Variants in KCNF1 observed in about 807,000 individuals in gnomAD.
KCNF1 encodes voltage-gated potassium channel regulatory subunit KCNF1.
A neutral mutation model predicts 28.6 loss-of-function variants in KCNF1; 9 were observed. The observed-to-expected ratio is 0.31, with a 90% CI of 0.19 to 0.55. The LOEUF (loss-of-function observed/expected upper bound fraction) is 0.55, where lower values mean the gene tolerates loss of function less well. KCNF1 is among the 20% of genes least tolerant of loss of function. The pLI is 0.93. For synonymous variants in KCNF1, 328 were observed against 299.6 expected, an observed-to-expected ratio of 1.09 and a Z score of -0.98; for missense variants, 461 against 684.2, an observed-to-expected ratio of 0.67 and a Z score of 3.64.
rs1350915960 is a variant in KCNF1, at chr2:10,912,613, A to G, written c.187A>G (p.Ile63Val). The stretch of plus-strand genomic sequence containing the variant: ...CTGCTTGGCTGGGGGCTACGACACC[A>G]TCTTCTCCCTGTGCGACGACTACGA... The part of the protein sequence containing the change: ...INCLAGGYDT[I>V]FSLCDDYDPG... The change falls in exon 1 of 1, where the codon ATC (isoleucine) becomes GTC (valine). Residue 63 changes from isoleucine (I) to valine (V), a missense_variant. Transcript: ENST00000295082. This position sits in a 1 kb window ranked among gnomAD's most constrained non-coding sequence, Gnocchi z 7.9. The G allele has an allele frequency of 2.5e-6, 4 of 1,613,492 alleles. No homozygotes were observed. Among genetic ancestry groups the G allele is most frequent in the Non-Finnish European group, 3.4e-6 (4 of 1,179,796 alleles).
At position 10,913,995 on chromosome 2, in the gene KCNF1, G is replaced by A; in HGVS notation, c.*84G>A. On this transcript the variant is annotated 3_prime_UTR_variant, in exon 1 of 1. Transcript: ENST00000295082. This position sits in a 1 kb window ranked among gnomAD's most constrained non-coding sequence, Gnocchi z 5.5. ...GGCATGTCATCGACAGCACAGAAGG[G>A]CTGTCCTGTGTCCCCCCAACCCTCC... 2.1e-6 allele frequency: 3 copies of A among 1,437,228 alleles called. No individual in the cohort carries two copies. The highest frequency in any genetic ancestry group is 2.8e-6 in the Non-Finnish European group (3 of 1,075,024). 89.0% of individuals were successfully genotyped at this position (1,437,228 alleles called of 1,614,324 possible).
rs1436765460 is a variant in KCNF1 at position 10,912,121 on chromosome 2, C to G, written c.-306C>G. The G allele has an allele frequency of 6.6e-6, 1 of 151,040 alleles. No individual in the cohort carries two copies. Among genetic ancestry groups the G allele is most frequent in the Non-Finnish European group, 1.5e-5 (1 of 67,698 alleles). 9.4% of individuals were successfully genotyped at this position (151,040 alleles called of 1,614,324 possible). A position where few individuals can be genotyped will look rare whatever the true frequency, so the allele number is the denominator to read the frequency against. The stretch of plus-strand genomic sequence containing the variant: ...GCTCCCGCAGGAGGCCGAGCTGAAG[C>G]GGCGGAGCGCGCCGCCAGCCAGCCG... On this transcript the variant is annotated 5_prime_UTR_variant, in exon 1 of 1. Coordinates refer to ENST00000295082, the MANE Select transcript of KCNF1 (RefSeq NM_002236.5). This position sits in a 1 kb window ranked among gnomAD's most constrained non-coding sequence, Gnocchi z 7.9.
rs141118481 is a variant in KCNF1, at chr2:10,912,987, C to T, written c.561C>T (p.Leu187=). The T allele has an allele frequency of 1.9e-6, 3 of 1,602,742 alleles. No homozygotes were observed. The highest frequency in any genetic ancestry group is 3.3e-5 in the Admixed American group (2 of 59,978). The change falls in exon 1 of 1, where the codon CTC becomes CTT. Residue 187 remains leucine (L), a synonymous_variant. Transcript: ENST00000295082. This position sits in a 1 kb window ranked among gnomAD's most constrained non-coding sequence, Gnocchi z 7.9. ...SSCPARVVAV[L]SFLLILVSSV... is the part of the protein sequence containing the mutation. ...GCCCGGCGCGGGTGGTGGCCGTGCT[C>T]TCCTTCCTGCTCATCCTCGTCTCGT...
In KCNF1 at chr2:10,914,053, T is replaced by C. The variant is rs1370725390; in HGVS notation, c.*142T>C. ...AGACTCTGAAGGCCCTCCCGGCACC[T>C]CTGCCAAGGCTGGGTAAGACTCCTC... On this transcript the variant is annotated 3_prime_UTR_variant, in exon 1 of 1. Coordinates refer to ENST00000295082, the MANE Select transcript of KCNF1 (RefSeq NM_002236.5). 6.2e-6 allele frequency: 6 copies of C among 972,220 alleles called. No individual in the cohort carries two copies. The highest frequency in any genetic ancestry group is 2.6e-4 in the Middle Eastern group (1 of 3,836). 60.2% of individuals were successfully genotyped at this position (972,220 alleles called of 1,614,324 possible).
In KCNF1 at chr2:10,913,650, C is replaced by T. The variant is rs751957735; in HGVS notation, c.1224C>T (p.Asn408=). ...TGCCCATCCACCCCATCATCAACAACTTTGTCAGGTACTACAACAAGCAGC... is the reference window on the plus strand; with the variant it reads ...TGCCCATCCACCCCATCATCAACAATTTTGTCAGGTACTACAACAAGCAGC... ...IALPIHPIIN[N]FVRYYNKQRV... The change falls in exon 1 of 1, where the codon AAC becomes AAT. Residue 408 remains asparagine, a synonymous_variant. Transcript: ENST00000295082. This position sits in a 1 kb window ranked among gnomAD's most constrained non-coding sequence, Gnocchi z 5.5. 6.8e-6 allele frequency: 11 copies of T among 1,613,568 alleles called. No individual in the cohort carries two copies. Among genetic ancestry groups the T allele is most frequent in the Non-Finnish European group, 9.3e-6 (11 of 1,180,034 alleles).
Position 10,913,170 on chromosome 2 carries a change from G to A in KCNF1, c.744G>A (p.Leu248=). ...GCCTCTTCTCGTCACCCAACAAGCT[G>A]CACTTCGCGCTGTCCTTCATGAACA... ...LLRLFSSPNK[L]HFALSFMNIV... The change falls in exon 1 of 1, where the codon CTG becomes CTA. Residue 248 remains leucine (L), a synonymous_variant. Coordinates refer to ENST00000295082, the MANE Select transcript of KCNF1 (RefSeq NM_002236.5). The surrounding 1 kb of genome is among the most constrained non-coding windows in gnomAD (Gnocchi z 5.5). 1 of 1,613,382 alleles carries A rather than the reference G, an allele frequency of 6.2e-7. No individual in the cohort carries two copies. Among genetic ancestry groups the A allele is most frequent in the Non-Finnish European group, 8.5e-7 (1 of 1,180,050 alleles).
chr2:10,913,815 C>A lies in KCNF1; in HGVS notation c.1389C>A (p.Ser463Arg). ...AGCCTGCGGGGAAGGAGGCGCCGAG[C>A]TGCAGCAGCCGGCTGAAGCTCTCCC... ...PPEPAGKEAP[S>R]CSSRLKLSHS... Residue 463 changes from serine to arginine, a missense_variant, in exon 1 of 1, where the codon AGC becomes AGA. This residue lies in a region of KCNF1 where 101 missense variants were observed against 102.2 expected (regional missense o/e 0.99). Transcript: ENST00000295082. This position sits in a 1 kb window ranked among gnomAD's most constrained non-coding sequence, Gnocchi z 5.5. The A allele has an allele frequency of 6.4e-7, 1 of 1,570,918 alleles. No individual in the cohort carries two copies. The highest frequency in any genetic ancestry group is 8.6e-7 in the Non-Finnish European group (1 of 1,158,148).
rs1326257301 is a variant in KCNF1 at position 10,913,109 on chromosome 2, C to T, written c.683C>T (p.Ala228Val). Residue 228 changes from alanine (A) to valine (V), a missense_variant, in exon 1 of 1, where the codon GCG becomes GTG. Coordinates refer to ENST00000295082, the MANE Select transcript of KCNF1 (RefSeq NM_002236.5). The surrounding 1 kb of genome is among the most constrained non-coding windows in gnomAD (Gnocchi z 5.5). ...EHPTLENVET[A>V]CIGWFTLEYL... ...CCGACGCTGGAGAACGTGGAGACGG[C>T]GTGCATTGGCTGGTTCACCCTGGAG... 1 of 1,611,092 alleles carries T rather than the reference C, an allele frequency of 6.2e-7. No homozygotes were observed.
Position 10,913,273 on chromosome 2 carries a change from A to G in KCNF1, c.847A>G (p.Thr283Ala). ...THLGARMMEL[T>A]NVQQAVQALR... is the part of the protein sequence containing the mutation. ...CCTGGGTGCCCGCATGATGGAGCTG[A>G]CCAACGTGCAGCAGGCCGTGCAGGC... The change falls in exon 1 of 1, where the codon ACC becomes GCC. Residue 283 changes from threonine (T) to alanine (A), a missense_variant. Physicochemically the swap from Thr to Ala is moderately conservative, Grantham distance 58. Around this residue, in one of 4 missense-constraint regions of KCNF1, gnomAD observed 115 missense variants for 261.6 expected, o/e 0.44. Coordinates refer to ENST00000295082, the MANE Select transcript of KCNF1 (RefSeq NM_002236.5). This position sits in a 1 kb window ranked among gnomAD's most constrained non-coding sequence, Gnocchi z 5.5. The G allele has an allele frequency of 6.2e-7, 1 of 1,613,452 alleles. No individual in the cohort carries two copies. The highest frequency in any genetic ancestry group is 8.5e-7 in the Non-Finnish European group (1 of 1,179,988).
rs1278116962 is a variant in KCNF1, at chr2:10,913,280, T to G, written c.854T>G (p.Val285Gly). Residue 285 changes from valine (V) to glycine (G), a missense_variant, in exon 1 of 1, where the codon GTG (valine) becomes GGG (glycine). Coordinates refer to ENST00000295082, the MANE Select transcript of KCNF1 (RefSeq NM_002236.5). The surrounding 1 kb of genome is among the most constrained non-coding windows in gnomAD (Gnocchi z 5.5). ...GCCCGCATGATGGAGCTGACCAACG[T>G]GCAGCAGGCCGTGCAGGCGCTGCGG... The part of the protein sequence containing the change: ...LGARMMELTN[V>G]QQAVQALRIM... 1.2e-6 allele frequency: 2 copies of G among 1,613,430 alleles called. No homozygotes were observed. The highest frequency in any genetic ancestry group is 1.7e-6 in the Non-Finnish European group (2 of 1,179,982).
At position 10,912,265 on chromosome 2, in the gene KCNF1, G is replaced by C; in HGVS notation, c.-162G>C. ...CATGCCTCCCCCGCGGCGCGCCCCCGCAGGCTGCTGCCCGCTGTGACCGCC... is the reference window on the plus strand; with the variant it reads ...CATGCCTCCCCCGCGGCGCGCCCCCCCAGGCTGCTGCCCGCTGTGACCGCC... On this transcript the variant is annotated 5_prime_UTR_variant, in exon 1 of 1. Coordinates refer to ENST00000295082, the MANE Select transcript of KCNF1 (RefSeq NM_002236.5). The surrounding 1 kb of genome is among the most constrained non-coding windows in gnomAD (Gnocchi z 7.9). 5 of 324,744 alleles carry C rather than the reference G, an allele frequency of 1.5e-5. No individual in the cohort carries two copies. Among genetic ancestry groups the C allele is most frequent in the Non-Finnish European group, 2.3e-5 (5 of 214,662 alleles). 20.1% of individuals were successfully genotyped at this position (324,744 alleles called of 1,614,324 possible).
Position 10,914,158 on chromosome 2 carries a change from G to C in KCNF1, c.*247G>C. ...GCCGTGTGGGACGAGTGGAGGCCGC[G>C]GCCTGGCTGGCACGAGAGCCCACGC... On this transcript the variant is annotated 3_prime_UTR_variant, in exon 1 of 1. Coordinates refer to ENST00000295082, the MANE Select transcript of KCNF1 (RefSeq NM_002236.5). The C allele has an allele frequency of 2.2e-6, 1 of 445,128 alleles. No homozygotes were observed. The highest frequency in any genetic ancestry group is 4.1e-6 in the Non-Finnish European group (1 of 246,502). The allele number at this position is 445,128 out of a possible 1,614,324, so 27.6% of individuals were successfully genotyped here.
rs1305307870 is a variant in KCNF1, at chr2:10,912,325, C to T, written c.-102C>T. ...AGGCGGGCGCCGGCCAGGCTCTCCC[C>T]GAGATCAGCGCACGGGTGGCACCCG... On this transcript the variant is annotated 5_prime_UTR_variant, in exon 1 of 1. Transcript: ENST00000295082. The surrounding 1 kb of genome is among the most constrained non-coding windows in gnomAD (Gnocchi z 7.9). 1 of 975,330 alleles carries T rather than the reference C, an allele frequency of 1.0e-6. No individual in the cohort carries two copies. The highest frequency in any genetic ancestry group is 1.7e-5 in the African/African-American group (1 of 58,352). 60.4% of individuals were successfully genotyped at this position (975,330 alleles called of 1,614,324 possible).
Position 10,913,919 on chromosome 2 carries a change from G to T in KCNF1, c.*8G>T, listed in dbSNP as rs1408240758. ...CTCCAGAGTTGCAAGTGACAGGAGG[G>T]CCCCTCAGGCAGAGATGGACCAGGC... On this transcript the variant is annotated 3_prime_UTR_variant, in exon 1 of 1. Transcript: ENST00000295082. The surrounding 1 kb of genome is among the most constrained non-coding windows in gnomAD (Gnocchi z 5.5). 1 of 1,520,052 alleles carries T rather than the reference G, an allele frequency of 6.6e-7. No homozygotes were observed. Among genetic ancestry groups the T allele is most frequent in the Non-Finnish European group, 8.8e-7 (1 of 1,136,690 alleles). The allele number at this position is 1,520,052 out of a possible 1,614,324, so 94.2% of individuals were successfully genotyped here.
rs1433772692 is a variant in KCNF1 at position 10,911,935 on chromosome 2, T to G, written c.-492T>G. On this transcript the variant is annotated 5_prime_UTR_variant, in exon 1 of 1. Coordinates refer to ENST00000295082, the MANE Select transcript of KCNF1 (RefSeq NM_002236.5). ...GCTCCTGACGTCAGGCTGGAATTCCTATTGTGTTTAGAAAAGGCTCGGGCA... is the reference window on the plus strand; with the variant it reads ...GCTCCTGACGTCAGGCTGGAATTCCGATTGTGTTTAGAAAAGGCTCGGGCA... 2 of 152,182 alleles carry G rather than the reference T, an allele frequency of 1.3e-5. No individual in the cohort carries two copies. Among genetic ancestry groups the G allele is most frequent in the African/African-American group, 4.8e-5 (2 of 41,442 alleles). The allele number at this position is 152,182 out of a possible 1,614,324, so 9.4% of individuals were successfully genotyped here. A position where few individuals can be genotyped will look rare whatever the true frequency, so the allele number is the denominator to read the frequency against.
Position 10,912,095 on chromosome 2 carries a change from C to T in KCNF1, c.-332C>T, listed in dbSNP as rs12617163. On this transcript the variant is annotated 5_prime_UTR_variant, in exon 1 of 1. Transcript: ENST00000295082. This position sits in a 1 kb window ranked among gnomAD's most constrained non-coding sequence, Gnocchi z 7.9. ...GTGCCAGCCGCCCACGAGGAGACCC[C>T]GCTCCCGCAGGAGGCCGAGCTGAAG... 9,663 of 151,614 alleles carry T rather than the reference C, an allele frequency of 0.064. 448 individuals carry two copies. The highest frequency in any genetic ancestry group is 0.19 in the East Asian group (957 of 5,092). The allele number at this position is 151,614 out of a possible 1,614,324, so 9.4% of individuals were successfully genotyped here.
At position 10,914,019 on chromosome 2, in the gene KCNF1, C is replaced by T. The variant is rs889349902; in HGVS notation, c.*108C>T. ...GGCTGTCCTGTGTCCCCCCAACCCTCCCCTGGACAGACTCTGAAGGCCCTC... is the reference window on the plus strand; with the variant it reads ...GGCTGTCCTGTGTCCCCCCAACCCTTCCCTGGACAGACTCTGAAGGCCCTC... On this transcript the variant is annotated 3_prime_UTR_variant, in exon 1 of 1. Coordinates refer to ENST00000295082, the MANE Select transcript of KCNF1 (RefSeq NM_002236.5). The T allele has an allele frequency of 2.0e-4, 261 of 1,290,702 alleles. No individual in the cohort carries two copies. The African/African-American group carries it at 3.6e-3, about 18-fold the overall frequency. 80.0% of individuals were successfully genotyped at this position (1,290,702 alleles called of 1,614,324 possible).
rs747274004 is a variant in KCNF1 at position 10,913,459 on chromosome 2, A to C, written c.1033A>C (p.Met345Leu). The C allele has an allele frequency of 1.1e-5, 17 of 1,614,002 alleles. No individual in the cohort carries two copies. Among genetic ancestry groups the C allele is most frequent in the Admixed American group, 1.7e-5 (1 of 60,010 alleles). Residue 345 changes from methionine (M) to leucine (L), a missense_variant, in exon 1 of 1, where the codon ATG (methionine) becomes CTG (leucine). Met to Leu is a conservative substitution (Grantham distance 15). Around this residue, in one of 4 missense-constraint regions of KCNF1, gnomAD observed 115 missense variants for 261.6 expected, o/e 0.44. Coordinates refer to ENST00000295082, the MANE Select transcript of KCNF1 (RefSeq NM_002236.5). This position sits in a 1 kb window ranked among gnomAD's most constrained non-coding sequence, Gnocchi z 5.5. The stretch of plus-strand genomic sequence containing the variant: ...CGTCTTCTCTGCCCTGGGCTACACC[A>C]TGGAGCAGAGCCATCCAGAGACCCT... ...IFVFSALGYTMEQSHPETLFK... is the reference protein window; with the variant it reads ...IFVFSALGYTLEQSHPETLFK...
chr2:10,914,016 C>T lies in KCNF1; in HGVS notation c.*105C>T. On this transcript the variant is annotated 3_prime_UTR_variant, in exon 1 of 1. Transcript: ENST00000295082. ...AAGGGCTGTCCTGTGTCCCCCCAAC[C>T]CTCCCCTGGACAGACTCTGAAGGCC... 1 of 1,332,514 alleles carries T rather than the reference C, an allele frequency of 7.5e-7. No individual in the cohort carries two copies. Among genetic ancestry groups the T allele is most frequent in the Non-Finnish European group, 1.0e-6 (1 of 990,950 alleles). 82.5% of individuals were successfully genotyped at this position (1,332,514 alleles called of 1,614,324 possible).
Sources: gnomAD v4.1 joint callset for allele counts on GRCh38, gnomAD v4.1.1 for gene constraint, gnomAD v4.1.1 regional missense constraint, Gnocchi (gnomAD v3.1) non-coding constraint, MANE v1.5 for transcripts, NCBI Gene and HGNC (gene_info 2026-07-23, HGNC 2026-07-21) for gene names.